The following ESRRG variants were observed in gnomAD, a reference collection of about 807,000 sequenced individuals.
The protein encoded by ESRRG is estrogen related receptor gamma.
Under a neutral mutation model 44.0 loss-of-function variants are expected in ESRRG, and 13 were observed. The observed-to-expected ratio is 0.30, with a 90% confidence interval of 0.19 to 0.47. The LOEUF (loss-of-function observed/expected upper bound fraction) is 0.47, where lower values mean the gene tolerates loss of function less well. Ranked by LOEUF, ESRRG falls within the 20% of genes least tolerant of loss-of-function variation. The probability of loss-of-function intolerance (pLI) is 1.00; values close to 1 mark genes in which losing one functional copy is unlikely to be tolerated. For synonymous variants in ESRRG, 215 were observed against 214.6 expected, an observed-to-expected ratio of 1.00 and a Z score of -0.02; for missense variants, 395 against 580.6, an observed-to-expected ratio of 0.68 and a Z score of 3.29.
In ESRRG at chr1:216,862,333, T is replaced by C. The variant is rs138313604; in HGVS notation, c.-14+77249A>G. 5.8e-3 allele frequency: 876 copies of C among 152,036 alleles called. 5 individuals are homozygous for C. The highest frequency in any genetic ancestry group is 7.9e-3 in the Non-Finnish European group (536 of 68,076). 9.4% of individuals were successfully genotyped at this position (152,036 alleles called of 1,614,324 possible). A position where few individuals can be genotyped will look rare whatever the true frequency, so the allele number is the denominator to read the frequency against. ...TCCGTCTCTTGGGTTCAAGTGATTC[T>C]CCTACCTCAGCCTCCTGAGTAGCTG... is the stretch of plus-strand genomic sequence containing the variant. On this transcript the variant is annotated intron_variant, in intron 2 of 7. Coordinates refer to the ESRRG transcript ENST00000359162.
At chr1:216,596,095 C>T (rs1298110050) in intron 3 of ESRRG, among the ~76,000 whole-genome samples, 1 of 152,162 alleles carries the variant, frequency 6.6e-6, no homozygotes, top group Non-Finnish European at 1.5e-5. Flanking sequence ...TCAACTGGCT[C>T]ACTGAGAAAG....
At chr1:216,707,605 G>A (rs2082712152) in intron 1 of ESRRG, 4 of 985,406 alleles carry the variant, frequency 4.1e-6, no homozygotes, top group Non-Finnish European at 5.7e-6. Context: ...TTTTACATTG[G>A]AGACTTAGGT....
chr1:216,798,811 A>G (rs2094540091), intron 2 of ESRRG, among the ~76,000 whole-genome samples: 2 of 152,172 alleles, frequency 1.3e-5, no homozygotes, highest in South Asian at 4.1e-4. Flanking sequence ...CAAGCGGGAT[A>G]ATAATACACC....
At chr1:216,953,637 T>C (rs1027800889) in intron 1 of ESRRG, among the ~76,000 whole-genome samples, 6 of 152,048 alleles carry the variant, frequency 3.9e-5, no homozygotes, top group Non-Finnish European at 7.4e-5. Context: ...GGCCCATAAT[T>C]ACTTCACATG....
chr1:216,687,022 G>C lies in ESRRG; in HGVS notation c.57-9531C>G, dbSNP rs1344624000. ...GAGTCACCATTCAGGGACATGGCAG[G>C]GCCCGTGTGTGTGTGTGTGTGTGTC... On this transcript the variant is annotated intron_variant, in intron 1 of 6. Transcript: ENST00000408911. Among the ~76,000 whole-genome samples the C allele has an allele frequency of 3.8e-5, 4 of 105,812 alleles. No homozygotes were observed. The Admixed American group carries it at 4.3e-4, about 11-fold the overall frequency. 69.4% of individuals were successfully genotyped at this position (105,812 alleles called of 152,430 possible). A position where few individuals can be genotyped will look rare whatever the true frequency, so the allele number is the denominator to read the frequency against.
intron 5 of ESRRG, among the ~76,000 whole-genome samples, chr1:216,530,036 C>T (rs12239464): frequency 7.0e-6 from 1 of 143,740 alleles, no homozygotes. Context: ...CGCTTGAACA[C>T]AGGAGGCAAA....
chr1:216,958,651 C>T (rs145502017), intron 1 of ESRRG, among the ~76,000 whole-genome samples: 277 of 152,274 alleles, frequency 1.8e-3, no homozygotes, highest in African/African-American at 6.4e-3. Flanking sequence ...CACTTCTCTG[C>T]TCAGAGCAAT....
chr1:217,034,544 C>G (rs1336847915), intron 1 of ESRRG, among the ~76,000 whole-genome samples: 4 of 152,162 alleles, frequency 2.6e-5, no homozygotes, highest in Non-Finnish European at 5.9e-5. Flanking sequence ...CTGCAGCAAG[C>G]TTCACTCTGG....
chr1:216,520,854 G>T (rs1444307317), intron 5 of ESRRG, among the ~76,000 whole-genome samples: 5 of 152,150 alleles, frequency 3.3e-5, no homozygotes, highest in African/African-American at 9.7e-5. Flanking sequence ...TTAGGCTGCT[G>T]CTTATGGTCA....
At chr1:216,968,270 G>T (rs2070872344) in intron 1 of ESRRG, among the ~76,000 whole-genome samples, 1 of 152,030 alleles carries the variant, frequency 6.6e-6, no homozygotes. Context: ...TTCATGAATT[G>T]TACCTTTGGT....
rs372545087 is a variant in ESRRG, at chr1:216,800,294, T to C, written c.-13-122803A>G. 7.4e-4 allele frequency among the ~76,000 whole-genome samples: 113 copies of C among 152,266 alleles called. 1 individual carries two copies. The highest frequency in any genetic ancestry group is 2.7e-3 in the African/African-American group (111 of 41,570). ...AAGGAATGAACCACCAAGGAACCAATGGCACATGGGCTTTCTCAATTGCCT... is the reference window on the plus strand; with the variant it reads ...AAGGAATGAACCACCAAGGAACCAACGGCACATGGGCTTTCTCAATTGCCT... On this transcript the variant is annotated intron_variant, in intron 2 of 7. Coordinates refer to the ESRRG transcript ENST00000359162.
chr1:216,734,383 G>A (rs1030905665), intron 2 of ESRRG, among the ~76,000 whole-genome samples: 4 of 152,124 alleles, frequency 2.6e-5, no homozygotes, highest in African/African-American at 9.7e-5. Context: ...CGGGTCATGA[G>A]GGCAGATCTG....
chr1:217,002,796 C>A (rs954284389), intron 1 of ESRRG, among the ~76,000 whole-genome samples: 7 of 152,136 alleles, frequency 4.6e-5, no homozygotes, highest in African/African-American at 1.7e-4. Context: ...GGAAGTGGAA[C>A]CTCCAGCCCC....
chr1:216,627,524 G>A lies in ESRRG; in HGVS notation c.589+23449C>T, dbSNP rs574582671. Among the ~76,000 whole-genome samples the A allele has an allele frequency of 3.9e-5, 6 of 152,154 alleles. No individual in the cohort carries two copies. The East Asian group carries it at 5.8e-4, about 15-fold the overall frequency. On this transcript the variant is annotated intron_variant, in intron 3 of 6. Coordinates refer to ENST00000408911, the MANE Select transcript of ESRRG (RefSeq NM_001438.4). ...AGCTTTGCTTACTCTACTTTGCTGCGCAGGGTCAAGATATAAACATTGAAA... is the reference window on the plus strand; with the variant it reads ...AGCTTTGCTTACTCTACTTTGCTGCACAGGGTCAAGATATAAACATTGAAA...
chr1:216,698,211 T>A lies in ESRRG; in HGVS notation c.57-20720A>T, dbSNP rs534782464. ...CCAATGTTACATATTAGCTAACTAG[T>A]TAGATGTATAAGATTGCAAGTTTTG... is the stretch of plus-strand genomic sequence containing the variant. On this transcript the variant is annotated intron_variant, in intron 1 of 6. Coordinates refer to ENST00000408911, the MANE Select transcript of ESRRG (RefSeq NM_001438.4). 2.0e-5 allele frequency among the ~76,000 whole-genome samples: 3 copies of A among 152,186 alleles called. No homozygotes were observed. The East Asian group carries it at 5.8e-4, about 29-fold the overall frequency.
chr1:216,839,802 G>A (rs2095623411), intron 2 of ESRRG, among the ~76,000 whole-genome samples: 1 of 152,118 alleles, frequency 6.6e-6, no homozygotes, highest in South Asian at 2.1e-4. Context: ...TCAATGAGCA[G>A]TAATGTTTTA....
intron 5 of ESRRG, among the ~76,000 whole-genome samples, chr1:216,542,580 A>AG (rs2053224917): frequency 6.6e-6 from 1 of 152,016 alleles, no homozygotes; most frequent in Non-Finnish European, 1.5e-5. Flanking sequence ...ATTATTTTGT[A>AG]GCATTTGTTA....
chr1:217,057,271 T>C (rs991139552), intron 1 of ESRRG, among the ~76,000 whole-genome samples: 23 of 152,092 alleles, frequency 1.5e-4, no homozygotes, highest in African/African-American at 5.3e-4. Flanking sequence ...GAAAAGGAAG[T>C]TCTGTGACGT....
chr1:216,603,562 C>A (rs1558757839), intron 3 of ESRRG, among the ~76,000 whole-genome samples: 1 of 152,112 alleles, frequency 6.6e-6, no homozygotes. Context: ...AGATAAAAAA[C>A]CAAAGACAGT....
Sources: allele counts gnomAD v4.1 joint callset (sites outside exome capture counted in the v4.1 genomes callset), GRCh38; gene constraint gnomAD v4.1.1; transcripts MANE v1.5; gene names NCBI Gene and HGNC (gene_info 2026-07-23, HGNC 2026-07-21).